CAPN12: variants seen among roughly 807,000 people sequenced by gnomAD.
CAPN12 encodes the protein calpain-12.
CAPN12 carries 107 observed loss-of-function variants against 95.0 expected under a neutral mutation model. That is an observed-to-expected ratio of 1.13 (90% confidence interval 0.96 to 1.32). The LOEUF (loss-of-function observed/expected upper bound fraction) is 1.32, where lower values mean the gene tolerates loss of function less well. Ranked by LOEUF, CAPN12 falls within the 40% of genes most tolerant of loss-of-function variation. The probability of loss-of-function intolerance (pLI) is 0.00; values close to 1 mark genes in which losing one functional copy is unlikely to be tolerated. For synonymous variants in CAPN12, 505 were observed against 415.5 expected, an observed-to-expected ratio of 1.22 and a Z score of -2.62; for missense variants, 1,136 against 997.8, an observed-to-expected ratio of 1.14 and a Z score of -1.87.
chr19:38,730,812 C>T lies in CAPN12; in HGVS notation c.*40G>A, dbSNP rs760504662. 22 of 1,549,852 alleles carry T rather than the reference C, an allele frequency of 1.4e-5. No individual in the cohort carries two copies. Among genetic ancestry groups the T allele is most frequent in the Non-Finnish European group, 1.9e-5 (22 of 1,146,808 alleles). ...GGCCTAGGGAGGTGGTCTTGCTCAG[C>T]AACCCTGCCCTGAGCAGCAGGTGCG... is the stretch of plus-strand genomic sequence containing the variant. On this transcript the variant is annotated 3_prime_UTR_variant, in exon 21 of 21. Transcript: ENST00000328867.
At position 38,738,357 on chromosome 19, in the gene CAPN12, C is replaced by T. The variant is rs1555851297; in HGVS notation, c.891-10G>A. 6.2e-7 allele frequency: 1 copy of T among 1,611,988 alleles called. No individual in the cohort carries two copies. ...GTCCCAGCGTGGGCAGCTGGAGAGA[C>T]TGTGGTGTGAGGGGCGGGCAGGTGG... On this transcript the variant is annotated splice_polypyrimidine_tract_variant and intron_variant, in intron 7 of 20. Coordinates refer to ENST00000328867, the MANE Select transcript of CAPN12 (RefSeq NM_144691.4).
rs747146013 is a variant in CAPN12 at position 38,738,642 on chromosome 19, G to A, written c.736C>T (p.Arg246Trp). The change falls in exon 6 of 21, where the codon CGG becomes TGG. Residue 246 changes from arginine (R) to tryptophan (W), a missense_variant. Arg to Trp is a moderately radical substitution (Grantham distance 101). Coordinates refer to ENST00000328867, the MANE Select transcript of CAPN12 (RefSeq NM_144691.4). The part of the protein sequence containing the change: ...SLVGATALSD[R>W]GEYRTEEGLV... Reference sequence around the variant, plus strand: ...CCCTCTTCTGTGCGGTACTCACCCCGATCACTCTGGGCAGGGGATGGGATG... The same window carrying A: ...CCCTCTTCTGTGCGGTACTCACCCCAATCACTCTGGGCAGGGGATGGGATG... 2.3e-5 allele frequency: 37 copies of A among 1,613,770 alleles called. No homozygotes were observed. The highest frequency in any genetic ancestry group is 3.3e-5 in the South Asian group (3 of 91,084).
intron 5 of CAPN12, chr19:38,739,789 G>A: frequency 2.9e-6 from 1 of 346,838 alleles, no homozygotes; most frequent in Non-Finnish European, 5.1e-6. Flanking sequence ...ATGCCCATGA[G>A]GGGAGAGCCT....
intron 15 of CAPN12, 84 bp from the exon 16 acceptor site, chr19:38,734,473 G>A (rs1969869670): frequency 8.3e-7 from 1 of 1,204,500 alleles, no homozygotes; most frequent in African/African-American, 1.5e-5. Flanking sequence ...ACTCCCTTAA[G>A]CAGGTGATGT....
At position 38,740,089 on chromosome 19, in the gene CAPN12, C is replaced by A; in HGVS notation, c.691G>T (p.Ala231Ser). 5.0e-6 allele frequency: 8 copies of A among 1,609,624 alleles called. No individual in the cohort carries two copies. The highest frequency in any genetic ancestry group is 6.8e-6 in the Non-Finnish European group (8 of 1,177,802). ...SMGLFSALRH[A>S]LAKESLVGAT... ...CCCACGAGGGACTCCTTGGCCAGGGCATGGCGCAGGGCAGAGAACAGCCCC... is the reference window on the plus strand; with the variant it reads ...CCCACGAGGGACTCCTTGGCCAGGGAATGGCGCAGGGCAGAGAACAGCCCC... The change falls in exon 5 of 21, where the codon GCC becomes TCC. Residue 231 changes from alanine to serine, a missense_variant. Transcript: ENST00000328867.
Position 38,738,411 on chromosome 19 carries a change from A to C in CAPN12, c.890+7T>G, listed in dbSNP as rs370413987. ...CCAGCCCCACACCCACCCCAGACCCATCCCACCTGTCGCTCCAGGCCCCCG... is the reference window on the plus strand; with the variant it reads ...CCAGCCCCACACCCACCCCAGACCCCTCCCACCTGTCGCTCCAGGCCCCCG... On this transcript the variant is annotated splice_region_variant and intron_variant, in intron 7 of 20. Transcript: ENST00000328867. 10 of 1,603,632 alleles carry C rather than the reference A, an allele frequency of 6.2e-6. No individual in the cohort carries two copies. The African/African-American group carries it at 1.1e-4, about 17-fold the overall frequency.
chr19:38,734,277 T>A (rs1969851002), intron 16 of CAPN12, 42 bp downstream of exon 16: 2 of 1,601,878 alleles, frequency 1.2e-6, no homozygotes, highest in Admixed American at 3.4e-5. Context: ...CAACGTCCCC[T>A]TCCCCACTCC....
In CAPN12 at chr19:38,743,043, C is replaced by G; in HGVS notation, c.297G>C (p.Gln99His). The change falls in exon 2 of 21, where the codon CAG (glutamine) becomes CAC (histidine). Residue 99 changes from glutamine (Q) to histidine (H), a missense_variant. Gln to His is a conservative substitution (Grantham distance 24). Transcript: ENST00000328867. Reference sequence around the variant, plus strand: ...GGTTCAGGGTCTCACCCAGGCTCCCCTGACACACGTCTGTGCGGCTCATGT... The same window carrying G: ...GGTTCAGGGTCTCACCCAGGCTCCCGTGACACACGTCTGTGCGGCTCATGT... ...CEDMSRTDVCQGSLGNCWFLA... is the reference protein window; with the variant it reads ...CEDMSRTDVCHGSLGNCWFLA... 6.2e-7 allele frequency: 1 copy of G among 1,613,840 alleles called. No individual in the cohort carries two copies. Among genetic ancestry groups the G allele is most frequent in the South Asian group, 1.1e-5 (1 of 91,080 alleles).
At chr19:38,736,695 T>TGCC in intron 10 of CAPN12, 132 bp from the exon 11 acceptor site, 1 of 1,151,124 alleles carries the variant, frequency 8.7e-7, no homozygotes, top group South Asian at 1.7e-5. Flanking sequence ...ATTGAACCTT[T>TGCC]GCCCCGCAGT....
intron 17 of CAPN12, 150 bp downstream of exon 17, chr19:38,733,992 G>T: frequency 1.2e-6 from 1 of 867,708 alleles, no homozygotes; most frequent in Non-Finnish European, 1.8e-6. Flanking sequence ...GAGGCTGGGT[G>T]GGGGCAGGGA....
intron 8 of CAPN12, 51 bp downstream of exon 8, chr19:38,738,222 C>T (rs773610323): frequency 3.9e-6 from 6 of 1,525,540 alleles, no homozygotes; most frequent in South Asian, 1.1e-5. Flanking sequence ...CTCCCTGAAC[C>T]CCTTGGCAGA....
At chr19:38,743,849 T>G in intron 1 of CAPN12, 80 bp downstream of exon 1, 2 of 1,393,436 alleles carry the variant, frequency 1.4e-6, no homozygotes, top group East Asian at 4.7e-5. Flanking sequence ...CCCCCAGCCT[T>G]CCTTCCTCAG....
At chr19:38,734,225 A>C (rs775407062) in intron 16 of CAPN12, 21 bp from the exon 17 acceptor site, 1 of 1,612,554 alleles carries the variant, frequency 6.2e-7, no homozygotes, top group Non-Finnish European at 8.5e-7. Context: ...GGTCGGGGGC[A>C]TCTGGTTAAG....
In CAPN12 at chr19:38,737,141, T is replaced by C; in HGVS notation, c.1362+15A>G. ...TCCGGGTTCCCTCCAGCCTCAGCTT[T>C]GCCCAGGACCTCACCTGGAACACGT... On this transcript the variant is annotated intron_variant, in intron 10 of 20. Coordinates refer to ENST00000328867, the MANE Select transcript of CAPN12 (RefSeq NM_144691.4). 6.5e-7 allele frequency: 1 copy of C among 1,539,308 alleles called. No homozygotes were observed. The highest frequency in any genetic ancestry group is 8.8e-7 in the Non-Finnish European group (1 of 1,140,830).
In CAPN12 at chr19:38,740,212, C is replaced by A. The variant is rs62617084; in HGVS notation, c.568G>T (p.Gly190Cys). Residue 190 changes from glycine to cysteine, a missense_variant, in exon 5 of 21, where the codon GGC becomes TGC. By Grantham distance (159) the Gly-to-Cys change is radical (BLOSUM62 -3). Transcript: ENST00000328867. The part of the protein sequence containing the change: ...LLEKAYAKLH[G>C]SYEVMRGGHM... ...CCGCCCCGCATCACCTCATAGGAGCCGTGGAGCCTGTGGGGGCAGATCTGG... is the reference window on the plus strand; with the variant it reads ...CCGCCCCGCATCACCTCATAGGAGCAGTGGAGCCTGTGGGGGCAGATCTGG... 1 of 1,605,282 alleles carries A rather than the reference C, an allele frequency of 6.2e-7. No homozygotes were observed. The highest frequency in any genetic ancestry group is 2.3e-5 in the East Asian group (1 of 44,412).
chr19:38,741,850 C>G lies in CAPN12; in HGVS notation c.487G>C (p.Gly163Arg). The G allele has an allele frequency of 1.2e-6, 2 of 1,614,110 alleles. No individual in the cohort carries two copies. Among genetic ancestry groups the G allele is most frequent in the Non-Finnish European group, 1.7e-6 (2 of 1,180,036 alleles). Residue 163 changes from glycine to arginine, a missense_variant, in exon 4 of 21, where the codon GGG becomes CGG. Coordinates refer to ENST00000328867, the MANE Select transcript of CAPN12 (RefSeq NM_144691.4). ...TCCGAGCGCACGAACATCAGCTTCC[C>G]CTCACGCACGGGCAGCCTGTCATCC... ...VVDDRLPVRE[G>R]KLMFVRSEQR...
intron 8 of CAPN12, 43 bp from the exon 9 acceptor site, chr19:38,737,681 G>A: frequency 6.7e-7 from 1 of 1,493,882 alleles, no homozygotes; most frequent in Non-Finnish European, 8.9e-7. Context: ...CCCACCTCGA[G>A]GGGGTCCCAA....
chr19:38,734,757 G>C (rs559687560), intron 15 of CAPN12, 56 bp downstream of exon 15: 1 of 1,541,430 alleles, frequency 6.5e-7, no homozygotes, highest in African/African-American at 1.4e-5. Flanking sequence ...CACCGGCTCT[G>C]GTTGCAGGAC....
intron 10 of CAPN12, 79 bp downstream of exon 10, chr19:38,737,077 G>A (rs1970239511): frequency 6.9e-6 from 2 of 289,228 alleles, no homozygotes; most frequent in South Asian, 4.2e-5. Context: ...GCCCCTCCAT[G>A]CCTCCCCCGC....
Sources: allele counts gnomAD v4.1 joint callset, GRCh38; gene constraint gnomAD v4.1.1; transcripts MANE v1.5; gene names NCBI Gene and HGNC (gene_info 2026-07-23, HGNC 2026-07-21).